ZBTB20: variants seen among roughly 807,000 people sequenced by gnomAD.
ZBTB20 encodes the protein zinc finger and BTB domain containing 20, also known as zinc finger and BTB domain-containing protein 20.
In ZBTB20, 9 loss-of-function variants were observed where a neutral mutation model predicts 56.9. The observed-to-expected ratio is 0.16, with a 90% CI of 0.10 to 0.28. The LOEUF is 0.28. ZBTB20 is among the 10% of genes least tolerant of loss of function. The pLI is 1.00. For missense variants in ZBTB20, 655 were observed against 1,003.0 expected, an observed-to-expected ratio of 0.65 and a Z score of 4.69; for synonymous variants, 417 against 420.7, an observed-to-expected ratio of 0.99 and a Z score of 0.11.
rs532100984 is a variant in ZBTB20 at position 114,980,378 on chromosome 3, A to G, written c.-506-5962T>C. ...TTTAAAGTTTTTGGGCTTGAAATGT[A>G]TATCCTTTCTAAGGGTCCATAAAAC... On this transcript the variant is annotated intron_variant, in intron 2 of 11. Transcript: ENST00000675478. Among the ~76,000 whole-genome samples the G allele has an allele frequency of 2.1e-4, 31 of 150,864 alleles. No individual in the cohort carries two copies. In the South Asian group the frequency reaches 5.6e-3, roughly 27 times the overall value.
chr3:114,481,404 T>C (rs1017022491), intron 7 of ZBTB20, among the ~76,000 whole-genome samples: 3 of 152,324 alleles, frequency 2.0e-5, no homozygotes, highest in South Asian at 4.1e-4. Flanking sequence ...AGATCCGTTA[T>C]GTTTCTACAT....
At chr3:114,559,373 C>T (rs2110265800) in intron 6 of ZBTB20, among the ~76,000 whole-genome samples, 1 of 152,224 alleles carries the variant, frequency 6.6e-6, no homozygotes, top group Admixed American at 6.5e-5. Flanking sequence ...AATGACTGGT[C>T]CAAGATCATA....
intron 7 of ZBTB20, among the ~76,000 whole-genome samples, chr3:114,391,372 T>C (rs2085860963): frequency 1.3e-5 from 2 of 152,206 alleles, no homozygotes; most frequent in South Asian, 4.1e-4. Context: ...AAAGTCCTAC[T>C]CTTTCCTACC....
chr3:114,749,069 T>TA (rs1026459756), intron 5 of ZBTB20, among the ~76,000 whole-genome samples: 3 of 152,196 alleles, frequency 2.0e-5, no homozygotes, highest in Non-Finnish European at 2.9e-5. Context: ...GCCTAGTACA[T>TA]AAGCCACACA....
intron 6 of ZBTB20, among the ~76,000 whole-genome samples, chr3:114,618,338 C>G (rs1354695436): frequency 6.9e-6 from 1 of 145,082 alleles, no homozygotes; most frequent in Non-Finnish European, 1.5e-5. Context: ...CAAGCTCAAA[C>G]TCCTGGGCTC....
At chr3:114,886,900 T>C (rs891317682) in intron 4 of ZBTB20, among the ~76,000 whole-genome samples, 1 of 152,222 alleles carries the variant, frequency 6.6e-6, no homozygotes, top group African/African-American at 2.4e-5. Context: ...TCCTGTCGCC[T>C]ATAACGGAAT....
At chr3:114,810,003 T>C (rs1020199185) in intron 4 of ZBTB20, among the ~76,000 whole-genome samples, 3 of 152,180 alleles carry the variant, frequency 2.0e-5, no homozygotes, top group Non-Finnish European at 4.4e-5. Context: ...GTTAACACAG[T>C]TTAGTGGTCA....
intron 3 of ZBTB20, among the ~76,000 whole-genome samples, chr3:114,908,347 T>C (rs2075396828): frequency 6.6e-6 from 1 of 152,028 alleles, no homozygotes; most frequent in Non-Finnish European, 1.5e-5. Flanking sequence ...AAGATAGAGC[T>C]AGGGTATTTG....
chr3:114,385,223 G>T (rs781191330), intron 8 of ZBTB20, among the ~76,000 whole-genome samples: 1 of 152,070 alleles, frequency 6.6e-6, no homozygotes, highest in Admixed American at 6.5e-5. Context: ...TACTGGAGTC[G>T]TAACAATTTC....
chr3:114,678,715 A>G (rs1004479043), intron 6 of ZBTB20, among the ~76,000 whole-genome samples: 1 of 152,186 alleles, frequency 6.6e-6, no homozygotes, highest in Admixed American at 6.5e-5. Context: ...TGTAATGCCA[A>G]AGAAAGGTAT....
chr3:114,616,617 C>T (rs903706718), intron 6 of ZBTB20, among the ~76,000 whole-genome samples: 1 of 152,102 alleles, frequency 6.6e-6, no homozygotes, highest in South Asian at 2.1e-4. Context: ...CTTTTGTCAT[C>T]TTTCAATATA....
intron 7 of ZBTB20, among the ~76,000 whole-genome samples, chr3:114,420,284 C>G (rs965458485): frequency 5.9e-5 from 9 of 152,124 alleles, no homozygotes; most frequent in Admixed American, 5.9e-4. Flanking sequence ...CAATTTCCTA[C>G]TTAGCACCAC....
chr3:114,350,178 T>C (rs573120350), intron 11 of ZBTB20, 96 bp downstream of exon 11: 1 of 1,493,304 alleles, frequency 6.7e-7, no homozygotes. Flanking sequence ...ATCTGAAAGA[T>C]GATCCCAAAC....
At chr3:114,812,656 C>A (rs1318471105) in intron 4 of ZBTB20, among the ~76,000 whole-genome samples, 3 of 152,232 alleles carry the variant, frequency 2.0e-5, no homozygotes, top group Non-Finnish European at 2.9e-5. Flanking sequence ...CGCACCCGGG[C>A]TGCAGGTGGA....
At chr3:114,782,342 G>A (rs2070165685) in intron 5 of ZBTB20, among the ~76,000 whole-genome samples, 2 of 152,130 alleles carry the variant, frequency 1.3e-5, no homozygotes, top group Admixed American at 1.3e-4. Context: ...TACTACAATG[G>A]GGGAGGCTAT....
chr3:114,378,304 A>G (rs1006788323), intron 10 of ZBTB20, among the ~76,000 whole-genome samples: 1 of 152,258 alleles, frequency 6.6e-6, no homozygotes, highest in Non-Finnish European at 1.5e-5. Flanking sequence ...TAATCAATTT[A>G]AACAACAGGT....
At chr3:114,786,337 C>T (rs572185037) in intron 5 of ZBTB20, among the ~76,000 whole-genome samples, 29 of 152,110 alleles carry the variant, frequency 1.9e-4, no homozygotes, top group African/African-American at 7.0e-4. Flanking sequence ...GTTCCCCTTC[C>T]TGTGTCCATG....
At chr3:115,020,503 T>C (rs1400540695) in intron 2 of ZBTB20, among the ~76,000 whole-genome samples, 1 of 151,218 alleles carries the variant, frequency 6.6e-6, no homozygotes, top group Non-Finnish European at 1.5e-5. Flanking sequence ...CAACTAGTTA[T>C]GGCAGCTACA....
intron 4 of ZBTB20, among the ~76,000 whole-genome samples, chr3:114,866,794 G>A (rs79828697): frequency 6.6e-6 from 1 of 152,102 alleles, no homozygotes; most frequent in Non-Finnish European, 1.5e-5. Context: ...TTCAGACTAG[G>A]ACTATACCAT....
Sources: allele counts gnomAD v4.1 joint callset (sites outside exome capture counted in the v4.1 genomes callset), GRCh38; gene constraint gnomAD v4.1.1; transcripts MANE v1.5; gene names NCBI Gene and HGNC (gene_info 2026-07-23, HGNC 2026-07-21).